The following PCDHA5 variants were observed in gnomAD, a reference collection of about 807,000 sequenced individuals.
PCDHA5 encodes protocadherin alpha 5.
In PCDHA5, 43 loss-of-function variants were observed where a neutral mutation model predicts 61.6. That is an observed-to-expected ratio of 0.70 (90% confidence interval 0.55 to 0.90). The LOEUF is 0.90. PCDHA5 is among the 40% of genes least tolerant of loss of function. The pLI is 0.00. For missense variants in PCDHA5, 1,298 were observed against 1,222.7 expected, an observed-to-expected ratio of 1.06 and a Z score of -0.92; for synonymous variants, 627 against 543.9, an observed-to-expected ratio of 1.15 and a Z score of -2.13.
At chr5:140,853,708 A>G (rs535294888) in intron 1 of PCDHA5, 3 of 986,248 alleles carry the variant, frequency 3.0e-6, no homozygotes, top group South Asian at 9.5e-5. Flanking sequence ...ACGCATTAGC[A>G]TTAGCAGCAC....
At chr5:140,851,027 C>T (rs782593711) in intron 1 of PCDHA5, 2 of 1,410,074 alleles carry the variant, frequency 1.4e-6, no homozygotes, top group South Asian at 1.8e-5. Context: ...TAAAGTAAAC[C>T]CCTTAACATT....
chr5:140,849,968 C>G, intron 1 of PCDHA5: 1 of 1,597,844 alleles, frequency 6.3e-7, no homozygotes, highest in Non-Finnish European at 8.6e-7. Flanking sequence ...CCCTGGTGTC[C>G]TACTCGCTGG....
chr5:140,826,816 T>A (rs1769068230), intron 1 of PCDHA5, among the ~76,000 whole-genome samples: 1 of 152,138 alleles, frequency 6.6e-6, no homozygotes. Context: ...TGTGATTACA[T>A]ATTAGGTTAC....
intron 1 of PCDHA5, among the ~76,000 whole-genome samples, chr5:140,894,823 A>G (rs933081275): frequency 2.0e-5 from 3 of 152,080 alleles, no homozygotes; most frequent in Non-Finnish European, 2.9e-5. Context: ...AGATTTGCCC[A>G]TAATCCTTTT....
intron 1 of PCDHA5, chr5:140,857,472 C>A: frequency 6.3e-7 from 1 of 1,598,636 alleles, no homozygotes; most frequent in Non-Finnish European, 8.6e-7. Flanking sequence ...CACATCTTCA[C>A]GGTGTCTGCG....
At chr5:140,829,536 C>T (rs1554132056) in intron 1 of PCDHA5, 1 of 1,613,152 alleles carries the variant, frequency 6.2e-7, no homozygotes, top group Non-Finnish European at 8.5e-7. Context: ...GCGCGAGACG[C>T]GGACGCGCAG....
Position 140,857,332 on chromosome 5 carries a change from C to T in PCDHA5, c.2352+33205C>T, listed in dbSNP as rs782461373. The stretch of plus-strand genomic sequence containing the variant: ...ATGAGCTGGTGGTGACCGCGCGGGA[C>T]GGGGGCTCGCCTCCGCTGTGGGCCA... On this transcript the variant is annotated intron_variant, in intron 1 of 3. Transcript: ENST00000529859. The T allele has an allele frequency of 1.9e-5, 30 of 1,598,216 alleles. No homozygotes were observed. In the South Asian group the frequency reaches 2.0e-4, roughly 11 times the overall value.
chr5:140,971,973 A>G (rs1554233757), intron 1 of PCDHA5, among the ~76,000 whole-genome samples: 1 of 152,218 alleles, frequency 6.6e-6, no homozygotes, highest in South Asian at 2.1e-4. Flanking sequence ...TTTCAATACT[A>G]TGAGTAGACA....
chr5:140,950,826 G>A (rs1554219646), intron 1 of PCDHA5, among the ~76,000 whole-genome samples: 1 of 151,824 alleles, frequency 6.6e-6, no homozygotes, highest in African/African-American at 2.4e-5. Flanking sequence ...TTAAAGTTTG[G>A]TCCTTTAAGA....
In PCDHA5 at chr5:140,883,501, C is replaced by A. The variant is rs570168326; in HGVS notation, c.2352+59374C>A. On this transcript the variant is annotated intron_variant, in intron 1 of 3. Transcript: ENST00000529859. ...ACTACTACTCATTAGTGCTGGACAGCGCCCTGGACCGCGAGAGCGTATCAG... is the reference window on the plus strand; with the variant it reads ...ACTACTACTCATTAGTGCTGGACAGAGCCCTGGACCGCGAGAGCGTATCAG... 3.7e-6 allele frequency: 6 copies of A among 1,614,194 alleles called. No homozygotes were observed. In the Admixed American group the frequency reaches 8.3e-5, roughly 22 times the overall value.
At chr5:140,926,330 G>T (rs1269020840) in intron 1 of PCDHA5, 1 of 152,266 alleles carries the variant, frequency 6.6e-6, no homozygotes, top group East Asian at 1.9e-4. Flanking sequence ...CGGGGTCAGA[G>T]CGCCGGGACC....
chr5:140,958,872 G>T (rs993434831), intron 1 of PCDHA5, among the ~76,000 whole-genome samples: 1 of 151,970 alleles, frequency 6.6e-6, no homozygotes, highest in Non-Finnish European at 1.5e-5. Context: ...GTTTATAAAA[G>T]AATTGACCAG....
At chr5:140,850,328 GCAGCC>G (rs2150480020) in intron 1 of PCDHA5, 3 of 1,597,678 alleles carry the variant, frequency 1.9e-6, no homozygotes, top group South Asian at 2.2e-5. Context: ...CATACGAGCT[GCAGCC>G]AGAAACGGCC....
At chr5:140,883,024 A>G (rs782136244) in intron 1 of PCDHA5, 3 of 1,614,184 alleles carry the variant, frequency 1.9e-6, no homozygotes, top group Non-Finnish European at 2.5e-6. Context: ...TGACGGTGTT[A>G]GAGAACGCCT....
At chr5:140,836,565 T>G (rs2150264210) in intron 1 of PCDHA5, 7 of 1,613,616 alleles carry the variant, frequency 4.3e-6, no homozygotes, top group African/African-American at 1.3e-5. Flanking sequence ...AGCGCCGTCC[T>G]CTGAGGGCGC....
At chr5:140,857,335 G>T in intron 1 of PCDHA5, 1 of 1,598,584 alleles carries the variant, frequency 6.3e-7, no homozygotes, top group South Asian at 1.1e-5. Flanking sequence ...CGCGGGACGG[G>T]GGCTCGCCTC....
intron 2 of PCDHA5, among the ~76,000 whole-genome samples, chr5:140,981,575 A>G (rs2096938835): frequency 1.3e-5 from 2 of 152,152 alleles, no homozygotes; most frequent in African/African-American, 4.8e-5. Flanking sequence ...CTTTGTCTCA[A>G]AAATAAATAA....
At chr5:140,849,348 G>A (rs1426659578) in intron 1 of PCDHA5, 2 of 1,434,152 alleles carry the variant, frequency 1.4e-6, no homozygotes, top group Non-Finnish European at 9.5e-7. Flanking sequence ...CTCCAGTGAT[G>A]TTTCTCCAGA....
At position 140,823,596 on chromosome 5, in the gene PCDHA5, G is replaced by A. The variant is rs2150127281; in HGVS notation, c.1821G>A (p.Ser607=). 2.4e-5 allele frequency: 38 copies of A among 1,613,902 alleles called. No homozygotes were observed. Among genetic ancestry groups the A allele is most frequent in the South Asian group, 1.1e-5 (1 of 91,086 alleles). ...ATTCGGGCTACAACGCTTGGCTTTC[G>A]TATGAGCTGCAGCCAGCGCCTGGCA... is the stretch of plus-strand genomic sequence containing the variant. ...DPDSGYNAWL[S]YELQPAPGSA... is the part of the protein sequence containing the mutation. Residue 607 remains serine, a synonymous_variant, in exon 1 of 4, where the codon TCG becomes TCA. Coordinates refer to ENST00000529859, the MANE Select transcript of PCDHA5 (RefSeq NM_018908.3).
Sources: allele counts gnomAD v4.1 joint callset (sites outside exome capture counted in the v4.1 genomes callset), GRCh38; gene constraint gnomAD v4.1.1; transcripts MANE v1.5; gene names NCBI Gene and HGNC (gene_info 2026-07-23, HGNC 2026-07-21).